Variants in SLC35D1 observed in about 807,000 individuals in gnomAD.
The protein encoded by SLC35D1 is solute carrier family 35 member D1.
SLC35D1 carries 31 observed loss-of-function variants against 46.7 expected under a neutral mutation model. The observed-to-expected ratio is 0.66, with a 90% CI of 0.50 to 0.90. The LOEUF (loss-of-function observed/expected upper bound fraction) is 0.90. SLC35D1 is among the 40% of genes least tolerant of loss of function. The pLI is 0.00. For synonymous variants in SLC35D1, 195 were observed against 164.6 expected (o/e 1.18, Z -1.41); for missense variants, 397 against 426.2 (o/e 0.93, Z 0.60).
At chr1:66,989,442 G>A in the SLC35D1 span, among the ~76,000 whole-genome samples, 1 of 152,170 alleles carries the variant, frequency 6.6e-6, no homozygotes, top group Non-Finnish European at 1.5e-5. Flanking sequence ...AATTGACTTT[G>A]GATTAATATG....
the SLC35D1 span, among the ~76,000 whole-genome samples, chr1:66,982,408 C>T: frequency 2.0e-5 from 3 of 152,078 alleles, no homozygotes; most frequent in Non-Finnish European, 4.4e-5. Context: ...TAATATTCTA[C>T]AGAAATATTT....
intron 8 of SLC35D1, 122 bp from the exon 9 acceptor site, chr1:67,021,724 G>GACACAC (rs35069681): frequency 8.8e-5 from 37 of 422,652 alleles, no homozygotes; most frequent in African/African-American, 3.5e-4. Context: ...CACAGACACA[G>GACACAC]ACACACACAC....
the SLC35D1 span, among the ~76,000 whole-genome samples, chr1:66,977,479 T>C: frequency 1.3e-5 from 2 of 152,172 alleles, no homozygotes; most frequent in Non-Finnish European, 2.9e-5. Context: ...TCCTGAATCT[T>C]TCCTCTAACA....
At chr1:66,989,563 A>G in the SLC35D1 span, among the ~76,000 whole-genome samples, 1 of 152,182 alleles carries the variant, frequency 6.6e-6, no homozygotes. Context: ...CCTTGGGCGC[A>G]GGTAATCCTC....
chr1:66,976,648 A>G, the SLC35D1 span: 7 of 1,608,438 alleles, frequency 4.4e-6, no homozygotes, highest in South Asian at 7.8e-5. Context: ...TGTGGAAAAA[A>G]TCTGAACGTT....
At chr1:67,053,698 C>G (rs2102383002) in intron 1 of SLC35D1, 113 bp downstream of exon 1, 1 of 1,099,396 alleles carries the variant, frequency 9.1e-7, no homozygotes. Context: ...CCAGCTCCCG[C>G]CCAACTTTGT....
At chr1:67,007,684 C>T (rs1389585473) in intron 11 of SLC35D1, among the ~76,000 whole-genome samples, 1 of 152,088 alleles carries the variant, frequency 6.6e-6, no homozygotes, top group South Asian at 2.1e-4. Context: ...GATGAGTAAA[C>T]GCTTTGGAAA....
the SLC35D1 span, chr1:66,976,682 C>T: frequency 2.5e-6 from 4 of 1,604,916 alleles, no homozygotes; most frequent in Admixed American, 1.7e-5. Flanking sequence ...TCAGCAAACA[C>T]GATTTGGAAA....
downstream of SLC35D1, among the ~76,000 whole-genome samples, chr1:66,999,057 A>G (rs115423234): frequency 3.8e-3 from 573 of 152,192 alleles, 5 homozygotes; most frequent in African/African-American, 0.013. Flanking sequence ...ATGTGCTTCC[A>G]CCTCTGCTGA....
chr1:67,038,459 T>C (rs1172284730), intron 8 of SLC35D1, among the ~76,000 whole-genome samples: 1 of 152,130 alleles, frequency 6.6e-6, no homozygotes, highest in Non-Finnish European at 1.5e-5. Flanking sequence ...AAGTGGTCTG[T>C]TCTTCCATCT....
the SLC35D1 span, among the ~76,000 whole-genome samples, chr1:66,979,734 G>T: frequency 6.7e-6 from 1 of 149,510 alleles, no homozygotes; most frequent in Admixed American, 6.7e-5. Context: ...AAATAATTTT[G>T]ATATCAACTC....
chr1:66,973,126 GTAAT>G, the SLC35D1 span: 45 of 579,462 alleles, frequency 7.8e-5, no homozygotes, highest in African/African-American at 7.8e-4. Flanking sequence ...TATTTAGTGA[GTAAT>G]TATAGTAAGG....
chr1:67,032,103 A>G (rs1374817610), intron 8 of SLC35D1: 1 of 985,152 alleles, frequency 1.0e-6, no homozygotes, highest in Non-Finnish European at 1.2e-6. Context: ...GCTGACTGGT[A>G]GCTGTGATTA....
At chr1:67,015,140 C>A (rs1194802630) in intron 10 of SLC35D1, among the ~76,000 whole-genome samples, 41 of 44,326 alleles carry the variant, frequency 9.2e-4, no homozygotes, top group African/African-American at 1.5e-3. Context: ...GGTTATAAAA[C>A]ACATAAAAAT....
chr1:66,991,736 C>CA, the SLC35D1 span, among the ~76,000 whole-genome samples: 3 of 151,914 alleles, frequency 2.0e-5, no homozygotes, highest in Non-Finnish European at 4.4e-5. Flanking sequence ...CCATTTCAAC[C>CA]AAGGGATAGC....
At chr1:67,008,269 G>T in intron 11 of SLC35D1, 1 of 364,384 alleles carries the variant, frequency 2.7e-6, no homozygotes, top group Non-Finnish European at 5.1e-6. Context: ...CTCCCGAGCA[G>T]CTGGGACTAC....
At chr1:66,981,943 CT>C in the SLC35D1 span, 284 of 1,611,238 alleles carry the variant, frequency 1.8e-4, no homozygotes, top group Non-Finnish European at 2.2e-4. Context: ...AAACATTTCT[CT>C]TTCTTCATAA....
intron 8 of SLC35D1, among the ~76,000 whole-genome samples, chr1:67,032,295 A>T (rs1023736089): frequency 8.5e-5 from 13 of 152,072 alleles, no homozygotes; most frequent in Admixed American, 1.3e-4. Flanking sequence ...TATTTTTTTT[A>T]AATTTGTTTA....
At chr1:66,981,067 TA>T in the SLC35D1 span, among the ~76,000 whole-genome samples, 1 of 140,816 alleles carries the variant, frequency 7.1e-6, no homozygotes, top group Non-Finnish European at 1.5e-5. Context: ...TGTACATATA[TA>T]ATACAATAAC....
Sources: allele counts gnomAD v4.1 joint callset (sites outside exome capture counted in the v4.1 genomes callset), GRCh38; gene constraint gnomAD v4.1.1; transcripts MANE v1.5; gene names NCBI Gene and HGNC (gene_info 2026-07-23, HGNC 2026-07-21).